EXD1: variants seen among roughly 807,000 people sequenced by gnomAD.
The protein encoded by EXD1 is exonuclease 3'-5' domain containing 1.
Under a neutral mutation model 49.1 loss-of-function variants are expected in EXD1, and 63 were observed. The ratio of observed to expected loss-of-function variants is 1.28; its 90% confidence interval spans 1.05 to 1.58. The LOEUF is 1.58. EXD1 is among the 40% of genes most tolerant of loss of function. The probability of loss-of-function intolerance (pLI) is 0.00; values close to 1 mark genes in which losing one functional copy is unlikely to be tolerated. For synonymous variants in EXD1, 234 were observed against 239.2 expected (o/e 0.98, Z 0.20); for missense variants, 748 against 666.0 (o/e 1.12, Z -1.36).
At chr15:41,221,926 C>T (rs544252645) in intron 2 of EXD1, among the ~76,000 whole-genome samples, 2 of 148,330 alleles carry the variant, frequency 1.3e-5, no homozygotes, top group African/African-American at 5.0e-5. Context: ...AGCATGAAAC[C>T]CTGTCTCTAC....
At chr15:41,187,143 CA>C (rs1338344860) in intron 11 of EXD1, among the ~76,000 whole-genome samples, 1 of 151,548 alleles carries the variant, frequency 6.6e-6, no homozygotes, top group Non-Finnish European at 1.5e-5. Context: ...CTGGGCCTCC[CA>C]AAGTGCTGGG....
intron 6 of EXD1, 143 bp downstream of exon 6, chr15:41,215,632 G>T: frequency 1.3e-6 from 1 of 765,930 alleles, no homozygotes; most frequent in Non-Finnish European, 2.2e-6. Flanking sequence ...CTTGCAGTGA[G>T]CCAAGATTGG....
chr15:41,190,103 CG>C lies in EXD1; in HGVS notation c.889del (p.Arg297AspfsTer8). The C allele has an allele frequency of 1.2e-6, 2 of 1,614,050 alleles. No homozygotes were observed. The highest frequency in any genetic ancestry group is 2.2e-5 in the South Asian group (2 of 91,052). On this transcript the variant is annotated frameshift_variant, in exon 11 of 12. Coordinates refer to ENST00000458580, the MANE Select transcript of EXD1 (RefSeq NM_001286441.2). LOFTEE classifies it high-confidence loss of function. ...TTTCAGTAAAGAGGGTGAAACAGGT[CG>C]GATGAACCATACTTCTGGATTTTCC... is the stretch of plus-strand genomic sequence containing the variant. ...IQENPEVWFI[R>X]PVSPSLLKIL...
intron 10 of EXD1, chr15:41,190,427 G>A (rs1462099287): frequency 5.7e-6 from 2 of 352,596 alleles, no homozygotes; most frequent in East Asian, 6.3e-5. Flanking sequence ...GTTGCAGTAA[G>A]CTGAGATTGC....
intron 7 of EXD1, among the ~76,000 whole-genome samples, chr15:41,202,706 A>T (rs776235942): frequency 1.3e-5 from 2 of 152,058 alleles, no homozygotes; most frequent in African/African-American, 2.4e-5. Flanking sequence ...GCTTCAAGCA[A>T]TCCTCCCACT....
rs2046977513 is a variant in EXD1, at chr15:41,214,882, A to G, written c.447+893T>C. ...TGACCCAGCCTGGTGAGTAGCTGGG[A>G]CTACAGGCGCCTGCCAGCATGCCCG... is the stretch of plus-strand genomic sequence containing the variant. On this transcript the variant is annotated intron_variant, in intron 6 of 11. Coordinates refer to ENST00000458580, the MANE Select transcript of EXD1 (RefSeq NM_001286441.2). Among the ~76,000 whole-genome samples the G allele has an allele frequency of 2.6e-5, 4 of 152,124 alleles. No individual in the cohort carries two copies. The South Asian group carries it at 8.3e-4, about 32-fold the overall frequency.
rs145939883 is a variant in EXD1, at chr15:41,191,514, C to G, written c.792G>C (p.Glu264Asp). Residue 264 changes from glutamate (E) to aspartate (D), a missense_variant, in exon 10 of 12, where the codon GAG (glutamate) becomes GAC (aspartate). Coordinates refer to ENST00000458580, the MANE Select transcript of EXD1 (RefSeq NM_001286441.2). ...CTACTTGAAGGTGTTTGATTAAACTCTCCTGCAAAGTAGTGATGCAGTTTG... is the reference window on the plus strand; with the variant it reads ...CTACTTGAAGGTGTTTGATTAAACTGTCCTGCAAAGTAGTGATGCAGTTTG... Reference protein sequence around the residue: ...YLPNCITTLQESLIKHLQVAP... With the variant: ...YLPNCITTLQDSLIKHLQVAP... 19 of 1,613,902 alleles carry G rather than the reference C, an allele frequency of 1.2e-5. No homozygotes were observed. In the East Asian group the frequency reaches 3.8e-4, roughly 32 times the overall value.
chr15:41,184,584 T>C lies in EXD1; in HGVS notation c.1066A>G (p.Met356Val), dbSNP rs1359973199. Residue 356 changes from methionine to valine, a missense_variant, in exon 12 of 12, where the codon ATG becomes GTG. Coordinates refer to ENST00000458580, the MANE Select transcript of EXD1 (RefSeq NM_001286441.2). ...DRLGGTEPTC[M>V]ELPEELLQLK... ...TGAAGCAGTTCCTCTGGCAGCTCCATACATGTAGGCTAAGAAGAGAAAGCG... is the reference window on the plus strand; with the variant it reads ...TGAAGCAGTTCCTCTGGCAGCTCCACACATGTAGGCTAAGAAGAGAAAGCG... 6 of 1,589,722 alleles carry C rather than the reference T, an allele frequency of 3.8e-6. No individual in the cohort carries two copies. Among genetic ancestry groups the C allele is most frequent in the African/African-American group, 2.7e-5 (2 of 73,504 alleles).
chr15:41,230,475 G>A lies in EXD1; in HGVS notation c.-54+4C>T, dbSNP rs2047223792. ...AAATAAGGAACTTCAAATAAATGGC[G>A]GACCATAAGCTAGGAATTCACTGTC... On this transcript the variant is annotated splice_donor_region_variant and intron_variant, in intron 1 of 11. Transcript: ENST00000458580. The A allele has an allele frequency of 6.2e-7, 1 of 1,613,010 alleles. No individual in the cohort carries two copies.
At chr15:41,220,337 C>A (rs1179396824) in intron 2 of EXD1, among the ~76,000 whole-genome samples, 1 of 151,466 alleles carries the variant, frequency 6.6e-6, no homozygotes, top group Non-Finnish European at 1.5e-5. Flanking sequence ...GTAGCGCAAT[C>A]TCGGCTCACT....
chr15:41,228,597 A>C (rs896465813), intron 1 of EXD1, among the ~76,000 whole-genome samples: 1 of 152,212 alleles, frequency 6.6e-6, no homozygotes, highest in African/African-American at 2.4e-5. Context: ...AGAGAGTCTA[A>C]GAAAAACCAT....
chr15:41,190,284 C>G (rs534293354), intron 10 of EXD1, 156 bp from the exon 11 acceptor site: 1 of 710,212 alleles, frequency 1.4e-6, no homozygotes, highest in Admixed American at 2.3e-5. Flanking sequence ...ACCATCCTGG[C>G]CAACAAGGTG....
At chr15:41,189,096 G>A (rs559306697) in intron 11 of EXD1, among the ~76,000 whole-genome samples, 2 of 152,058 alleles carry the variant, frequency 1.3e-5, no homozygotes, top group Non-Finnish European at 2.9e-5. Flanking sequence ...GGCCAAGCAC[G>A]GTGGCTTATG....
intron 9 of EXD1, among the ~76,000 whole-genome samples, chr15:41,193,743 C>T (rs2046567818): frequency 7.6e-6 from 1 of 131,884 alleles, no homozygotes; most frequent in South Asian, 2.5e-4. Flanking sequence ...CAGACCTTGT[C>T]TCAAAAAAAA....
At chr15:41,193,631 T>C (rs1392059650) in intron 9 of EXD1, among the ~76,000 whole-genome samples, 15 of 152,034 alleles carry the variant, frequency 9.9e-5, no homozygotes, top group Non-Finnish European at 2.9e-5. Context: ...TCCCAGCTAC[T>C]TGGGAGGCTG....
intron 6 of EXD1, among the ~76,000 whole-genome samples, chr15:41,215,034 T>C (rs2140890314): frequency 6.6e-6 from 1 of 152,170 alleles, no homozygotes; most frequent in East Asian, 1.9e-4. Context: ...CGTGAGCCAC[T>C]GCACCCAGCC....
At chr15:41,199,728 A>ATC (rs376834936) in intron 7 of EXD1, among the ~76,000 whole-genome samples, 778 of 29,808 alleles carry the variant, frequency 0.026, 35 homozygotes, top group East Asian at 0.19. Flanking sequence ...TATATTATAT[A>ATC]TGATATATAT....
At chr15:41,220,111 C>G (rs1186114061) in intron 2 of EXD1, among the ~76,000 whole-genome samples, 6 of 151,700 alleles carry the variant, frequency 4.0e-5, no homozygotes, top group African/African-American at 7.3e-5. Context: ...ACAAGGGAAA[C>G]CCCATTAAGG....
At chr15:41,195,744 T>G in intron 9 of EXD1, 31 bp downstream of exon 9, 1 of 1,584,480 alleles carries the variant, frequency 6.3e-7, no homozygotes, top group Non-Finnish European at 8.6e-7. Context: ...CTGTATATAC[T>G]GGTTTGAATC....
Sources: gnomAD v4.1 joint callset for allele counts (sites outside exome capture counted in the v4.1 genomes callset) on GRCh38, gnomAD v4.1.1 for gene constraint, MANE v1.5 for transcripts, NCBI Gene and HGNC (gene_info 2026-07-23, HGNC 2026-07-21) for gene names.